SNX13: variants seen among roughly 807,000 people sequenced by gnomAD.
The protein encoded by SNX13 is sorting nexin 13.
SNX13 carries 45 observed loss-of-function variants against 133.6 expected under a neutral mutation model. The ratio of observed to expected loss-of-function variants is 0.34; its 90% CI spans 0.27 to 0.43. The LOEUF (loss-of-function observed/expected upper bound fraction) is 0.43. Among genes scored for constraint, SNX13 ranks in the 20% least tolerant of loss-of-function variants. SNX13 has a pLI of 1.00. For missense variants in SNX13, 1,032 were observed against 1,145.1 expected (o/e 0.90, Z 1.43); for synonymous variants, 414 against 373.9 (o/e 1.11, Z -1.24).
chr7:17,920,015 A>G (rs1799956644), intron 1 of SNX13, among the ~76,000 whole-genome samples: 1 of 152,142 alleles, frequency 6.6e-6, no homozygotes, highest in African/African-American at 2.4e-5. Context: ...AATTTTAAAA[A>G]GAAAAAAAAG....
chr7:17,798,819 G>T, intron 23 of SNX13, 61 bp from the exon 24 acceptor site: 2 of 1,334,098 alleles, frequency 1.5e-6, no homozygotes, highest in Non-Finnish European at 2.1e-6. Context: ...AAAAATAAAC[G>T]TGACTTTCAT....
At chr7:17,812,202 T>C (rs921380634) in intron 20 of SNX13, among the ~76,000 whole-genome samples, 1 of 152,074 alleles carries the variant, frequency 6.6e-6, no homozygotes, top group Non-Finnish European at 1.5e-5. Flanking sequence ...ACCATCAGCA[T>C]AAACTGTAGG....
Position 17,796,944 on chromosome 7 carries a change from T to C in SNX13, c.2514-5A>G, listed in dbSNP as rs1346404963. On this transcript the variant is annotated splice_polypyrimidine_tract_variant and splice_region_variant and intron_variant, in intron 24 of 25. Coordinates refer to ENST00000428135, the MANE Select transcript of SNX13 (RefSeq NM_015132.5). ...CCATTTGGCCAAAATGCATCTCTAT[T>C]TGAGAAGATTAAATACATTTTGTAA... The C allele has an allele frequency of 6.4e-7, 1 of 1,573,420 alleles. No individual in the cohort carries two copies. The highest frequency in any genetic ancestry group is 1.7e-5 in the Admixed American group (1 of 59,496).
intron 4 of SNX13, 52 bp from the exon 5 acceptor site, chr7:17,890,536 T>C: frequency 7.1e-7 from 1 of 1,409,458 alleles, no homozygotes; most frequent in Non-Finnish European, 9.6e-7. Flanking sequence ...ATTTAAAAAG[T>C]TACAGTGGTA....
chr7:17,906,232 T>C (rs940110268), intron 1 of SNX13, among the ~76,000 whole-genome samples: 50 of 151,678 alleles, frequency 3.3e-4, no homozygotes, highest in African/African-American at 1.1e-3. Flanking sequence ...AAAGAACAAA[T>C]GAAAGAGAAA....
chr7:17,888,673 C>T (rs750915870), intron 5 of SNX13: 2 of 470,264 alleles, frequency 4.3e-6, no homozygotes, highest in African/African-American at 4.0e-5. Context: ...TATTTCATTT[C>T]ACTCCACTGA....
At chr7:17,879,690 T>A (rs1299072164) in intron 5 of SNX13, 1 of 152,214 alleles carries the variant, frequency 6.6e-6, no homozygotes, top group African/African-American at 2.4e-5. Flanking sequence ...TTCCATCTAT[T>A]CTAAGCAGTG....
At chr7:17,807,586 A>G (rs1227381001) in intron 20 of SNX13, among the ~76,000 whole-genome samples, 4 of 152,350 alleles carry the variant, frequency 2.6e-5, no homozygotes, top group South Asian at 2.1e-4. Flanking sequence ...AGAGAGAGGC[A>G]GATCTCCCAG....
chr7:17,901,403 C>A (rs560733754), intron 1 of SNX13, among the ~76,000 whole-genome samples: 1 of 152,210 alleles, frequency 6.6e-6, no homozygotes, highest in African/African-American at 2.4e-5. Context: ...CTCCTTGTGG[C>A]CTAGCCTGCC....
At chr7:17,846,230 A>C (rs1790505980) in intron 11 of SNX13, among the ~76,000 whole-genome samples, 1 of 152,084 alleles carries the variant, frequency 6.6e-6, no homozygotes, top group Non-Finnish European at 1.5e-5. Flanking sequence ...CAGAGCAAGG[A>C]AACAACCTAC....
intron 11 of SNX13, among the ~76,000 whole-genome samples, chr7:17,849,053 CT>C (rs555813182): frequency 7.2e-4 from 110 of 152,310 alleles, no homozygotes; most frequent in African/African-American, 2.5e-3. Context: ...CATTAAACAT[CT>C]GATAATTCTG....
At chr7:17,899,455 T>C (rs1048180120) in intron 1 of SNX13, 1 of 152,094 alleles carries the variant, frequency 6.6e-6, no homozygotes, top group African/African-American at 2.4e-5. Flanking sequence ...AAATTTGCCC[T>C]TTTGAGGCTA....
At chr7:17,887,135 CTGG>C (rs1796098328) in intron 5 of SNX13, among the ~76,000 whole-genome samples, 1 of 152,152 alleles carries the variant, frequency 6.6e-6, no homozygotes. Flanking sequence ...ATGTCATTTA[CTGG>C]TTGGCAAATA....
chr7:17,896,880 T>C (rs1797271738), intron 2 of SNX13, among the ~76,000 whole-genome samples: 1 of 152,110 alleles, frequency 6.6e-6, no homozygotes, highest in African/African-American at 2.4e-5. Flanking sequence ...AATCAGGTAT[T>C]TGAATTTTCT....
intron 11 of SNX13, among the ~76,000 whole-genome samples, chr7:17,847,703 G>A (rs151206606): frequency 1.2e-3 from 189 of 152,120 alleles, no homozygotes; most frequent in African/African-American, 4.2e-3. Flanking sequence ...AGCAACTATC[G>A]TTACTGTTTC....
At chr7:17,936,121 ACT>A (rs1241714698) in intron 1 of SNX13, among the ~76,000 whole-genome samples, 1 of 152,204 alleles carries the variant, frequency 6.6e-6, no homozygotes, top group Non-Finnish European at 1.5e-5. Context: ...TGGTTAAATG[ACT>A]CTGCAATATG....
rs192452090 is a variant in SNX13, at chr7:17,904,180, G to C, written c.13-6734C>G. On this transcript the variant is annotated intron_variant, in intron 1 of 25. Transcript: ENST00000428135. ...TGATCCTAAAAAGATATTTATGATA[G>C]GAAAGGCAGCATAATAAAATACTTA... Among the ~76,000 whole-genome samples the C allele has an allele frequency of 8.1e-4, 124 of 152,264 alleles. 1 individual carries two copies. The highest frequency in any genetic ancestry group is 2.8e-3 in the African/African-American group (116 of 41,546).
chr7:17,858,885 G>C (rs1479439419), intron 9 of SNX13, among the ~76,000 whole-genome samples: 2 of 152,058 alleles, frequency 1.3e-5, no homozygotes, highest in Non-Finnish European at 2.9e-5. Context: ...TCAACAAATG[G>C]TGCTAGAATA....
chr7:17,921,542 T>C (rs923307538), intron 1 of SNX13, among the ~76,000 whole-genome samples: 1 of 152,196 alleles, frequency 6.6e-6, no homozygotes, highest in Non-Finnish European at 1.5e-5. Flanking sequence ...TATTCTTTCA[T>C]TAATCATGTA....
Sources: allele counts gnomAD v4.1 joint callset (sites outside exome capture counted in the v4.1 genomes callset), GRCh38; gene constraint gnomAD v4.1.1; transcripts MANE v1.5; gene names NCBI Gene and HGNC (gene_info 2026-07-23, HGNC 2026-07-21).